MTUS1: variants seen among roughly 807,000 people sequenced by gnomAD.
MTUS1 encodes microtubule associated scaffold protein 1, also known as microtubule-associated tumor suppressor 1.
MTUS1 carries 109 observed loss-of-function variants against 120.8 expected under a neutral mutation model. The observed-to-expected ratio is 0.90, with a 90% CI of 0.77 to 1.06. The LOEUF is 1.06. Among genes scored for constraint, MTUS1 ranks in the 50% least tolerant of loss-of-function variants. MTUS1 has a pLI of 0.00. For missense variants in MTUS1, 2,210 were observed against 1,486.3 expected, an observed-to-expected ratio of 1.49 and a Z score of -8.01; for synonymous variants, 737 against 550.5, an observed-to-expected ratio of 1.34 and a Z score of -4.74.
chr8:17,736,838 G>C (rs1165281215), intron 3 of MTUS1, among the ~76,000 whole-genome samples: 1 of 152,126 alleles, frequency 6.6e-6, no homozygotes, highest in Non-Finnish European at 1.5e-5. Flanking sequence ...ATCTGCCTTG[G>C]CCACCCAAAG....
chr8:17,671,017 G>T (rs1457254336), intron 8 of MTUS1, among the ~76,000 whole-genome samples: 1 of 152,126 alleles, frequency 6.6e-6, no homozygotes, highest in Non-Finnish European at 1.5e-5. Flanking sequence ...AATGGCATGA[G>T]GGAATTTACT....
intron 1 of MTUS1, among the ~76,000 whole-genome samples, chr8:17,779,842 A>G (rs1286826186): frequency 3.3e-5 from 5 of 152,184 alleles, no homozygotes; most frequent in Non-Finnish European, 7.3e-5. Flanking sequence ...CTTGTTTCAA[A>G]TACACTCCGA....
chr8:17,658,021 A>G (rs542396126), intron 8 of MTUS1, among the ~76,000 whole-genome samples: 41 of 104,810 alleles, frequency 3.9e-4, no homozygotes, highest in African/African-American at 1.4e-3. Context: ...CACTATATAT[A>G]TAGACACACA....
At chr8:17,733,359 T>TAAAA (rs33999065) in intron 3 of MTUS1, among the ~76,000 whole-genome samples, 8 of 138,870 alleles carry the variant, frequency 5.8e-5, no homozygotes, top group Non-Finnish European at 7.9e-5. Context: ...TCAAAAAAAT[T>TAAAA]AAAAAAAAAA....
At chr8:17,661,669 G>A (rs890473657) in intron 8 of MTUS1, among the ~76,000 whole-genome samples, 11 of 148,626 alleles carry the variant, frequency 7.4e-5, no homozygotes, top group African/African-American at 2.5e-4. Flanking sequence ...CAGCTCTGAC[G>A]TTTTGATAAG....
At chr8:17,761,422 CA>C (rs2049029934) in intron 1 of MTUS1, among the ~76,000 whole-genome samples, 1 of 152,146 alleles carries the variant, frequency 6.6e-6, no homozygotes. Flanking sequence ...AGATCCAATT[CA>C]AACTTCATTT....
chr8:17,667,232 G>C (rs891308137), intron 8 of MTUS1, among the ~76,000 whole-genome samples: 6 of 152,180 alleles, frequency 3.9e-5, no homozygotes, highest in African/African-American at 1.4e-4. Context: ...GTCTGAGGTG[G>C]CTATCAACTC....
At chr8:17,781,572 T>C (rs893892709) in intron 1 of MTUS1, among the ~76,000 whole-genome samples, 1 of 152,220 alleles carries the variant, frequency 6.6e-6, no homozygotes. Flanking sequence ...AAGCCTAGCC[T>C]CATAAAATGA....
intron 1 of MTUS1, 79 bp downstream of exon 1, chr8:17,800,982 C>T (rs2052639145): frequency 6.6e-6 from 1 of 152,240 alleles, no homozygotes; most frequent in Non-Finnish European, 1.5e-5. Flanking sequence ...CCGGTCCCGT[C>T]ACCCTGGGCG....
intron 1 of MTUS1, among the ~76,000 whole-genome samples, chr8:17,786,338 A>G (rs549992024): frequency 6.6e-5 from 10 of 152,158 alleles, no homozygotes; most frequent in African/African-American, 2.4e-4. Context: ...GACAGTCCTC[A>G]CCCGCTGCCA....
rs758417268 is a variant in MTUS1, at chr8:17,656,029, G to A, written c.2942C>T (p.Ala981Val). The A allele has an allele frequency of 6.2e-7, 1 of 1,614,132 alleles. No homozygotes were observed. The highest frequency in any genetic ancestry group is 2.2e-5 in the East Asian group (1 of 44,868). Residue 981 changes from alanine (A) to valine (V), a missense_variant, in exon 9 of 15, where the codon GCC (alanine) becomes GTC (valine). Physicochemically the swap from Ala to Val is moderately conservative, Grantham distance 64. Coordinates refer to ENST00000693296, the MANE Select transcript of MTUS1 (RefSeq NM_001363059.2). ...ATACACTGTTTGTAACTCATTCCTG[G>A]CTTTTTCTAATTTCTCACAGGTGGT... Reference protein sequence around the residue: ...ASTTCEKLEKARNELQTVYEA... With the variant: ...ASTTCEKLEKVRNELQTVYEA...
At chr8:17,758,545 A>G (rs568836627) in intron 1 of MTUS1, among the ~76,000 whole-genome samples, 1 of 152,374 alleles carries the variant, frequency 6.6e-6, no homozygotes, top group East Asian at 1.9e-4. Context: ...ATCCTCCAGT[A>G]TAAAATACAT....
rs1201798175 is a variant in MTUS1, at chr8:17,724,173, A to G, written c.2288-340T>C. 4 of 467,088 alleles carry G rather than the reference A, an allele frequency of 8.6e-6. No individual in the cohort carries two copies. The Admixed American group carries it at 9.9e-5, about 12-fold the overall frequency. 28.9% of individuals were successfully genotyped at this position (467,088 alleles called of 1,614,324 possible). ...CAGCTTTTGGCAAAACTGAAATAAAAAAATAAACAAATTGATACGACCCCC... is the reference window on the plus strand; with the variant it reads ...CAGCTTTTGGCAAAACTGAAATAAAGAAATAAACAAATTGATACGACCCCC... On this transcript the variant is annotated intron_variant, in intron 3 of 14. Transcript: ENST00000693296.
At chr8:17,778,068 G>A (rs905412696) in intron 1 of MTUS1, among the ~76,000 whole-genome samples, 7 of 152,162 alleles carry the variant, frequency 4.6e-5, no homozygotes, top group Non-Finnish European at 1.0e-4. Flanking sequence ...TTATTATCTT[G>A]CCTGTGTTAT....
intron 1 of MTUS1, among the ~76,000 whole-genome samples, chr8:17,763,311 T>C (rs1321841748): frequency 6.6e-6 from 1 of 152,206 alleles, no homozygotes; most frequent in Non-Finnish European, 1.5e-5. Flanking sequence ...TTAAAGTAGA[T>C]ACAGACTTTC....
chr8:17,666,559 C>T (rs752707174), intron 8 of MTUS1, among the ~76,000 whole-genome samples: 1 of 152,174 alleles, frequency 6.6e-6, no homozygotes, highest in Non-Finnish European at 1.5e-5. Context: ...GGGGCACCTA[C>T]ATGAGAACCA....
chr8:17,715,637 TCTC>T (rs2131040051), intron 5 of MTUS1, 127 bp downstream of exon 5: 1 of 972,392 alleles, frequency 1.0e-6, no homozygotes, highest in African/African-American at 1.7e-5. Flanking sequence ...ATGTATTATA[TCTC>T]CTTTCTCAAC....
chr8:17,711,766 T>C (rs1217043592), intron 6 of MTUS1, among the ~76,000 whole-genome samples: 1 of 152,252 alleles, frequency 6.6e-6, no homozygotes, highest in Non-Finnish European at 1.5e-5. Context: ...AACTCAATCA[T>C]TTCTATCTTT....
chr8:17,725,353 C>G (rs1356415537), intron 3 of MTUS1, among the ~76,000 whole-genome samples: 1 of 152,170 alleles, frequency 6.6e-6, no homozygotes, highest in African/African-American at 2.4e-5. Context: ...TCAGGCCTGG[C>G]ATTTGAAATT....
Sources: gnomAD v4.1 joint callset for allele counts (sites outside exome capture counted in the v4.1 genomes callset) on GRCh38, gnomAD v4.1.1 for gene constraint, MANE v1.5 for transcripts, NCBI Gene and HGNC (gene_info 2026-07-23, HGNC 2026-07-21) for gene names.